RAB3C: variants seen among roughly 807,000 people sequenced by gnomAD.
RAB3C encodes the protein ras-related protein Rab-3C.
In RAB3C, 17 loss-of-function variants were observed where a neutral mutation model predicts 26.4. That is an observed-to-expected ratio of 0.64 (90% CI 0.44 to 0.97). RAB3C has a LOEUF of 0.97. RAB3C is among the 50% of genes least tolerant of loss of function. The pLI is 0.00. For missense variants in RAB3C, 242 were observed against 281.9 expected (o/e 0.86, Z 1.01); for synonymous variants, 91 against 95.9 (o/e 0.95, Z 0.30).
intron 3 of RAB3C, among the ~76,000 whole-genome samples, chr5:58,817,892 A>G (rs1225243561): frequency 3.3e-5 from 5 of 152,242 alleles, no homozygotes; most frequent in Non-Finnish European, 5.9e-5. Context: ...ACAAACTTGA[A>G]GTAGGCTGTG....
chr5:58,766,395 C>T (rs151242517), intron 3 of RAB3C, among the ~76,000 whole-genome samples: 3 of 152,280 alleles, frequency 2.0e-5, no homozygotes, highest in Admixed American at 6.5e-5. Flanking sequence ...GGATTACAGG[C>T]ATGAGCCACC....
chr5:58,846,730 GGT>G (rs1561151017), intron 4 of RAB3C, among the ~76,000 whole-genome samples: 1 of 151,738 alleles, frequency 6.6e-6, no homozygotes, highest in Non-Finnish European at 1.5e-5. Flanking sequence ...ATGAAGTCAG[GGT>G]GTAGAATCAC....
chr5:58,639,996 A>G (rs746451559), intron 2 of RAB3C, among the ~76,000 whole-genome samples: 4 of 152,150 alleles, frequency 2.6e-5, no homozygotes, highest in Non-Finnish European at 5.9e-5. Context: ...TCAATTAATC[A>G]ATGATTTTTT....
At chr5:58,679,905 A>T (rs955826582) in intron 2 of RAB3C, among the ~76,000 whole-genome samples, 6 of 152,140 alleles carry the variant, frequency 3.9e-5, no homozygotes, top group Non-Finnish European at 8.8e-5. Context: ...TTCAGTGCGG[A>T]AATGTGTGCT....
At chr5:58,776,960 T>C (rs1440852251) in intron 3 of RAB3C, among the ~76,000 whole-genome samples, 1 of 152,070 alleles carries the variant, frequency 6.6e-6, no homozygotes, top group Non-Finnish European at 1.5e-5. Context: ...ATTGCAAAAG[T>C]TTGGGAAATC....
At chr5:58,734,923 C>T (rs1322612993) in intron 3 of RAB3C, among the ~76,000 whole-genome samples, 1 of 152,202 alleles carries the variant, frequency 6.6e-6, no homozygotes, top group East Asian at 1.9e-4. Flanking sequence ...CTGCAAGCCT[C>T]CATCACATTT....
intron 1 of RAB3C, among the ~76,000 whole-genome samples, chr5:58,610,230 G>A (rs553710978): frequency 6.1e-5 from 9 of 146,362 alleles, no homozygotes; most frequent in East Asian, 2.0e-4. Context: ...GTGTACATAC[G>A]TTTTTATTTC....
chr5:58,846,219 C>A (rs186142607), intron 4 of RAB3C, among the ~76,000 whole-genome samples: 1 of 152,226 alleles, frequency 6.6e-6, no homozygotes, highest in African/African-American at 2.4e-5. Flanking sequence ...TACCTTTTGG[C>A]TATCGTGAAT....
chr5:58,647,280 T>G (rs1020508780), intron 2 of RAB3C, among the ~76,000 whole-genome samples: 3 of 152,210 alleles, frequency 2.0e-5, no homozygotes, highest in African/African-American at 7.2e-5. Context: ...TCTGCATGGC[T>G]GGGGAGCCCT....
intron 3 of RAB3C, among the ~76,000 whole-genome samples, chr5:58,728,607 C>T (rs983090276): frequency 1.3e-5 from 2 of 151,936 alleles, no homozygotes; most frequent in Non-Finnish European, 2.9e-5. Context: ...TGTACAGTAG[C>T]GATTCTGGGA....
chr5:58,820,624 C>G (rs1232049716), intron 3 of RAB3C, among the ~76,000 whole-genome samples: 5 of 152,186 alleles, frequency 3.3e-5, no homozygotes, highest in African/African-American at 1.2e-4. Flanking sequence ...AAACTGGTCT[C>G]CTTTGGCTCT....
chr5:58,737,437 AT>A (rs1561305225), intron 3 of RAB3C, among the ~76,000 whole-genome samples: 5,179 of 82,088 alleles, frequency 0.063, 572 homozygotes, highest in Non-Finnish European at 0.072. Context: ...ATATATATAT[AT>A]ATATATATAT....
intron 3 of RAB3C, among the ~76,000 whole-genome samples, chr5:58,730,500 CAAAG>C (rs1740990833): frequency 1.3e-5 from 2 of 151,922 alleles, no homozygotes; most frequent in South Asian, 4.1e-4. Context: ...GAAATAAGCA[CAAAG>C]AAACACATTC....
intron 1 of RAB3C, among the ~76,000 whole-genome samples, chr5:58,607,497 T>C (rs1028163358): frequency 6.6e-6 from 1 of 152,140 alleles, no homozygotes. Flanking sequence ...CTTCAGGATA[T>C]TATCCAGGAG....
intron 1 of RAB3C, among the ~76,000 whole-genome samples, chr5:58,616,323 T>G (rs1052621505): frequency 3.3e-5 from 5 of 152,212 alleles, no homozygotes; most frequent in African/African-American, 1.2e-4. Context: ...TAATTTTGTT[T>G]CATGTTAATG....
intron 1 of RAB3C, among the ~76,000 whole-genome samples, chr5:58,602,617 C>A (rs145467383): frequency 5.4e-4 from 82 of 152,078 alleles, no homozygotes; most frequent in African/African-American, 1.9e-3. Flanking sequence ...CTCTTTTAAC[C>A]ACTGTTGCTT....
intron 2 of RAB3C, among the ~76,000 whole-genome samples, chr5:58,703,746 G>C (rs2111884049): frequency 6.6e-6 from 1 of 152,176 alleles, no homozygotes; most frequent in South Asian, 2.1e-4. Flanking sequence ...ATGGAGCCCA[G>C]GAATGTCCCC....
chr5:58,774,636 CAG>C (rs1247292743), intron 3 of RAB3C, among the ~76,000 whole-genome samples: 2 of 151,916 alleles, frequency 1.3e-5, no homozygotes, highest in South Asian at 2.1e-4. Flanking sequence ...AAAATACAAA[CAG>C]GGAATGGGGG....
At chr5:58,719,060 T>G (rs77199335) in intron 2 of RAB3C, among the ~76,000 whole-genome samples, 3,625 of 152,162 alleles carry the variant, frequency 0.024, 134 homozygotes, top group African/African-American at 0.082. Context: ...GAAATTCTGT[T>G]GTTTCTGTTG....
Sources: allele counts gnomAD v4.1 joint callset (sites outside exome capture counted in the v4.1 genomes callset), GRCh38; gene constraint gnomAD v4.1.1; transcripts MANE v1.5; gene names NCBI Gene and HGNC (gene_info 2026-07-23, HGNC 2026-07-21).